The following ECT2 variants were observed in gnomAD, a reference collection of about 807,000 sequenced individuals.
ECT2 encodes the protein epithelial cell transforming 2, also known as protein ECT2.
In ECT2, 61 loss-of-function variants were observed where a neutral mutation model predicts 116.9. The ratio of observed to expected loss-of-function variants is 0.52; its 90% confidence interval spans 0.42 to 0.65. The LOEUF is 0.65. Among genes scored for constraint, ECT2 ranks in the 30% least tolerant of loss-of-function variants. The pLI, the probability that ECT2 is intolerant of heterozygous loss-of-function variation, is 0.00. For synonymous variants in ECT2, 358 were observed against 346.4 expected (o/e 1.03, Z -0.37); for missense variants, 937 against 1,078.7 (o/e 0.87, Z 1.84).
Position 172,817,853 on chromosome 3 carries a change from A to G in ECT2, c.2655+1016A>G, listed in dbSNP as rs561726243. 7.2e-5 allele frequency among the ~76,000 whole-genome samples: 11 copies of G among 152,108 alleles called. No homozygotes were observed. In the South Asian group the frequency reaches 1.9e-3, roughly 26 times the overall value. On this transcript the variant is annotated intron_variant, in intron 24 of 24. Coordinates refer to ENST00000392692, the MANE Select transcript of ECT2 (RefSeq NM_001258315.2). ...AGATGATGTTATATACTGAGGGGCA[A>G]TTTGGGTGGTGATTAAGAGCATGGA...
At position 172,761,702 on chromosome 3, in the gene ECT2, A is replaced by T. The variant is rs1203886137; in HGVS notation, c.758+19A>T. On this transcript the variant is annotated intron_variant, in intron 8 of 24. Transcript: ENST00000392692. ...ATGAACAGTAAGTGTTTAGAAACTC[A>T]GTAGTTCATTATGTAAATTAAACAT... 1 of 1,522,610 alleles carries T rather than the reference A, an allele frequency of 6.6e-7. No individual in the cohort carries two copies. Among genetic ancestry groups the T allele is most frequent in the Admixed American group, 1.8e-5 (1 of 56,730 alleles). The allele number at this position is 1,522,610 out of a possible 1,614,324, so 94.3% of individuals were successfully genotyped here. A position where few individuals can be genotyped will look rare whatever the true frequency, so the allele number is the denominator to read the frequency against.
At chr3:172,795,765 A>G (rs1251247865) in intron 18 of ECT2, among the ~76,000 whole-genome samples, 1 of 152,194 alleles carries the variant, frequency 6.6e-6, no homozygotes, top group African/African-American at 2.4e-5. Context: ...ATGTTACATT[A>G]AATTAAGTAA....
At position 172,760,138 on chromosome 3, in the gene ECT2, C is replaced by T. The variant is rs916422105; in HGVS notation, c.577-18C>T. 3.3e-5 allele frequency: 52 copies of T among 1,555,762 alleles called. No individual in the cohort carries two copies. Among genetic ancestry groups the T allele is most frequent in the Non-Finnish European group, 4.2e-5 (48 of 1,143,688 alleles). On this transcript the variant is annotated intron_variant, in intron 6 of 24. Transcript: ENST00000392692. ...CAAATTAACCATAAAGTCAGTGTTGCTTAATTTTTCTTTTGAGGTCAGGTT... is the reference window on the plus strand; with the variant it reads ...CAAATTAACCATAAAGTCAGTGTTGTTTAATTTTTCTTTTGAGGTCAGGTT...
At chr3:172,815,776 A>G in intron 23 of ECT2, 65 bp downstream of exon 23, 1 of 1,042,706 alleles carries the variant, frequency 9.6e-7, no homozygotes, top group South Asian at 1.5e-5. Context: ...TATTCAAATA[A>G]TATTGCTGCA....
intron 18 of ECT2, among the ~76,000 whole-genome samples, chr3:172,789,681 G>A (rs1724290721): frequency 1.3e-5 from 2 of 152,192 alleles, no homozygotes; most frequent in South Asian, 4.1e-4. Context: ...AGTGTCTGTA[G>A]TATTCTAAAT....
chr3:172,765,818 A>C (rs1719265694), intron 12 of ECT2, among the ~76,000 whole-genome samples: 1 of 152,048 alleles, frequency 6.6e-6, no homozygotes, highest in South Asian at 2.1e-4. Flanking sequence ...TAATGCCTGT[A>C]CTCTCTAAGC....
intron 18 of ECT2, among the ~76,000 whole-genome samples, chr3:172,792,337 C>T (rs1724823376): frequency 6.6e-6 from 1 of 152,066 alleles, no homozygotes; most frequent in Non-Finnish European, 1.5e-5. Flanking sequence ...GAAACAACAA[C>T]AGCAACAACA....
chr3:172,784,041 C>G, intron 16 of ECT2, 132 bp downstream of exon 16: 1 of 610,446 alleles, frequency 1.6e-6, no homozygotes, highest in Non-Finnish European at 2.8e-6. Flanking sequence ...TTTAGTTGTA[C>G]TTATGGGTGA....
At position 172,783,138 on chromosome 3, in the gene ECT2, C is replaced by G. The variant is rs191994145; in HGVS notation, c.1618-661C>G. Among the ~76,000 whole-genome samples, 10 of 152,250 alleles carry G rather than the reference C, an allele frequency of 6.6e-5. No homozygotes were observed. The East Asian group carries it at 7.7e-4, about 12-fold the overall frequency. ...CCACACAACTTAAGTTTTATAAATT[C>G]ATTTTGGCAAGGTTCTGTGAATAGA... On this transcript the variant is annotated intron_variant, in intron 15 of 24. Transcript: ENST00000392692.
At position 172,815,692 on chromosome 3, in the gene ECT2, T is replaced by TA. The variant is rs1560030517; in HGVS notation, c.2495dup (p.Thr833AspfsTer39). On this transcript the variant is annotated frameshift_variant, in exon 23 of 25. Transcript: ENST00000392692. LOFTEE classifies it high-confidence loss of function. ...ACATTGAGTAGAGCATCAAGAGCAA[T>TA]AAAAAAGACTTCAAAAAAGGTGAGT... is the stretch of plus-strand genomic sequence containing the variant. 6.3e-7 allele frequency: 1 copy of TA among 1,597,546 alleles called. No individual in the cohort carries two copies. The highest frequency in any genetic ancestry group is 2.2e-5 in the East Asian group (1 of 44,558).
At position 172,815,615 on chromosome 3, in the gene ECT2, T is replaced by A; in HGVS notation, c.2412T>A (p.Ile804=). The A allele has an allele frequency of 1.3e-6, 2 of 1,581,938 alleles. No individual in the cohort carries two copies. Among genetic ancestry groups the A allele is most frequent in the Non-Finnish European group, 1.7e-6 (2 of 1,161,186 alleles). The change falls in exon 23 of 25, where the codon ATT becomes ATA. Residue 804 remains isoleucine, a synonymous_variant. Transcript: ENST00000392692. ...TICKADAENL[I]YTADPESFEV... is the part of the protein sequence containing the mutation. ...TTATTTTTCAATAGGAGAATCTTATTTATACTGCTGATCCAGAATCCTTTG... is the reference window on the plus strand; with the variant it reads ...TTATTTTTCAATAGGAGAATCTTATATATACTGCTGATCCAGAATCCTTTG...
chr3:172,775,975 C>CAATTTG (rs1162467186), intron 14 of ECT2, among the ~76,000 whole-genome samples: 1 of 152,106 alleles, frequency 6.6e-6, no homozygotes, highest in African/African-American at 2.4e-5. Flanking sequence ...CTTTGTGGAT[C>CAATTTG]AATTTGAATT....
chr3:172,785,375 G>C (rs899523900), intron 17 of ECT2, among the ~76,000 whole-genome samples: 3 of 152,026 alleles, frequency 2.0e-5, no homozygotes, highest in African/African-American at 7.2e-5. Context: ...GCTAAGGACA[G>C]TATCAGTTTT....
Position 172,754,650 on chromosome 3 carries a change from A to G in ECT2, c.120A>G (p.Ser40=). 3 of 1,605,732 alleles carry G rather than the reference A, an allele frequency of 1.9e-6. No homozygotes were observed. Among genetic ancestry groups the G allele is most frequent in the Non-Finnish European group, 2.6e-6 (3 of 1,174,734 alleles). ...SKENLLIGST[S]YVEEEMPQIE... ...AAAACTTACTTATTGGATCTACTTC[A>G]TATGTAGAAGGTAAACCTGTTACCT... The change falls in exon 2 of 25, where the codon TCA becomes TCG. Residue 40 remains serine (S), a synonymous_variant. Coordinates refer to ENST00000392692, the MANE Select transcript of ECT2 (RefSeq NM_001258315.2).
intron 22 of ECT2, among the ~76,000 whole-genome samples, chr3:172,809,056 A>G (rs1158732105): frequency 1.3e-5 from 2 of 152,130 alleles, no homozygotes; most frequent in Non-Finnish European, 2.9e-5. Flanking sequence ...AAATCTTTCA[A>G]AACTGCTCAT....
chr3:172,754,636 A>G lies in ECT2; in HGVS notation c.106A>G (p.Ile36Val). The G allele has an allele frequency of 6.2e-7, 1 of 1,610,892 alleles. No individual in the cohort carries two copies. The highest frequency in any genetic ancestry group is 8.5e-7 in the Non-Finnish European group (1 of 1,177,978). The change falls in exon 2 of 25, where the codon ATT (isoleucine) becomes GTT (valine). Residue 36 changes from isoleucine (I) to valine (V), a missense_variant. Ile to Val is a conservative substitution (Grantham distance 29). Transcript: ENST00000392692. Reference sequence around the variant, plus strand: ...TGAGATTTCCAAGGAAAACTTACTTATTGGATCTACTTCATATGTAGAAGG... The same window carrying G: ...TGAGATTTCCAAGGAAAACTTACTTGTTGGATCTACTTCATATGTAGAAGG... Reference protein sequence around the residue: ...VTEISKENLLIGSTSYVEEEM... With the variant: ...VTEISKENLLVGSTSYVEEEM...
chr3:172,773,287 A>G lies in ECT2; in HGVS notation c.1429-616A>G, dbSNP rs1239344389. ...ATTTTTTTATTGTGATACTATTTAC[A>G]TTATATTTTCCATTTGTAAATTACT... On this transcript the variant is annotated intron_variant, in intron 13 of 24. Transcript: ENST00000392692. Among the ~76,000 whole-genome samples the G allele has an allele frequency of 2.0e-5, 3 of 152,114 alleles. 1 individual carries two copies. The highest frequency in any genetic ancestry group is 1.3e-4 in the Admixed American group (2 of 15,266).
intron 18 of ECT2, among the ~76,000 whole-genome samples, chr3:172,787,759 A>G (rs145535349): frequency 2.0e-5 from 3 of 152,328 alleles, no homozygotes; most frequent in African/African-American, 4.8e-5. Flanking sequence ...TCATATTTTT[A>G]TAAAAGAAAC....
intron 15 of ECT2, 25 bp downstream of exon 15, chr3:172,782,256 G>GT: frequency 7.2e-7 from 1 of 1,389,656 alleles, no homozygotes; most frequent in Non-Finnish European, 1.0e-6. Flanking sequence ...TCTTTTTTAA[G>GT]TTTTCAGATT....
Sources: gnomAD v4.1 joint callset for allele counts (sites outside exome capture counted in the v4.1 genomes callset) on GRCh38, gnomAD v4.1.1 for gene constraint, MANE v1.5 for transcripts, NCBI Gene and HGNC (gene_info 2026-07-23, HGNC 2026-07-21) for gene names.